Variants in LAMA2 observed in about 807,000 individuals in gnomAD.
LAMA2 encodes the protein laminin subunit alpha 2.
LAMA2 carries 269 observed loss-of-function variants against 364.8 expected under a neutral mutation model. The observed-to-expected ratio is 0.74, with a 90% confidence interval of 0.67 to 0.82. The LOEUF is 0.82. Among genes scored for constraint, LAMA2 ranks in the 40% least tolerant of loss-of-function variants. The pLI is 0.00. For missense variants in LAMA2, 3,807 were observed against 3,873.2 expected (o/e 0.98, Z 0.45); for synonymous variants, 1,379 against 1,370.6 (o/e 1.01, Z -0.14).
chr6:129,303,359 T>G (rs1335965408), intron 22 of LAMA2, among the ~76,000 whole-genome samples: 1 of 152,186 alleles, frequency 6.6e-6, no homozygotes, highest in Non-Finnish European at 1.5e-5. Flanking sequence ...GATTTTCTTG[T>G]AGATAATCAT....
intron 3 of LAMA2, among the ~76,000 whole-genome samples, chr6:129,094,936 G>A (rs1003043395): frequency 6.6e-6 from 1 of 152,160 alleles, no homozygotes; most frequent in African/African-American, 2.4e-5. Context: ...TCCTGCAGAT[G>A]ACAATATATG....
intron 12 of LAMA2, among the ~76,000 whole-genome samples, chr6:129,228,453 T>C (rs1784470372): frequency 6.6e-6 from 1 of 152,192 alleles, no homozygotes; most frequent in African/African-American, 2.4e-5. Flanking sequence ...GAGCTGTTCC[T>C]ATTCCAATTA....
chr6:129,442,986 TATA>T (rs1782193348), intron 43 of LAMA2, 74 bp from the exon 44 acceptor site: 2 of 1,095,478 alleles, frequency 1.8e-6, no homozygotes, highest in Admixed American at 3.8e-5. Flanking sequence ...GTCACTACTT[TATA>T]ATATTTATAG....
intron 47 of LAMA2, among the ~76,000 whole-genome samples, chr6:129,454,891 A>G (rs1016961607): frequency 4.6e-5 from 7 of 152,022 alleles, no homozygotes; most frequent in African/African-American, 1.2e-4. Context: ...TGTTTTCCCA[A>G]TTCTCAACTC....
At chr6:129,330,189 G>T (rs991807692) in intron 29 of LAMA2, among the ~76,000 whole-genome samples, 1 of 151,766 alleles carries the variant, frequency 6.6e-6, no homozygotes, top group South Asian at 2.1e-4. Flanking sequence ...ATAATAGATA[G>T]TAATAATAAT....
chr6:129,175,281 C>A (rs1780505303), intron 9 of LAMA2, among the ~76,000 whole-genome samples: 1 of 152,166 alleles, frequency 6.6e-6, no homozygotes, highest in Non-Finnish European at 1.5e-5. Context: ...GCTCCTTTGG[C>A]AAATCACTTA....
chr6:129,082,263 C>T (rs968256443), intron 3 of LAMA2, among the ~76,000 whole-genome samples: 48 of 152,190 alleles, frequency 3.2e-4, no homozygotes, highest in African/African-American at 1.1e-3. Context: ...GCTCAATTTT[C>T]TCATCTCTGA....
chr6:129,404,667 G>C (rs932700043), intron 40 of LAMA2, among the ~76,000 whole-genome samples: 1 of 152,066 alleles, frequency 6.6e-6, no homozygotes, highest in African/African-American at 2.4e-5. Flanking sequence ...GAATCATCCT[G>C]AATAAAATGT....
intron 12 of LAMA2, among the ~76,000 whole-genome samples, chr6:129,237,913 C>G (rs1487363558): frequency 6.6e-6 from 1 of 150,692 alleles, no homozygotes; most frequent in Non-Finnish European, 1.5e-5. Context: ...AATCTCACCA[C>G]TTTGGGAGGC....
chr6:129,046,934 G>A (rs1357070282), intron 1 of LAMA2, among the ~76,000 whole-genome samples: 1 of 152,018 alleles, frequency 6.6e-6, no homozygotes, highest in African/African-American at 2.4e-5. Flanking sequence ...ATCCTTTACT[G>A]TCTGGCATAA....
intron 15 of LAMA2, among the ~76,000 whole-genome samples, chr6:129,261,109 G>A (rs186521108): frequency 2.6e-5 from 4 of 152,048 alleles, no homozygotes; most frequent in African/African-American, 9.6e-5. Context: ...CTGGATGGTA[G>A]CAGAATAGCA....
intron 12 of LAMA2, among the ~76,000 whole-genome samples, chr6:129,218,627 A>G (rs141363820): frequency 6.6e-6 from 1 of 152,300 alleles, no homozygotes; most frequent in African/African-American, 2.4e-5. Flanking sequence ...ACTATAATAA[A>G]GAAATCCTGG....
intron 62 of LAMA2, among the ~76,000 whole-genome samples, chr6:129,510,064 G>A (rs964545330): frequency 1.6e-4 from 24 of 151,990 alleles, no homozygotes; most frequent in African/African-American, 5.3e-4. Flanking sequence ...TCTGGAACAC[G>A]ACAAGGATGC....
intron 8 of LAMA2, chr6:129,157,975 G>A: frequency 6.2e-7 from 1 of 1,613,992 alleles, no homozygotes. Context: ...TTAACAGCAA[G>A]GCCCAGGTCA....
At chr6:129,041,427 G>A (rs1301529327) in intron 1 of LAMA2, among the ~76,000 whole-genome samples, 1 of 152,170 alleles carries the variant, frequency 6.6e-6, no homozygotes, top group Non-Finnish European at 1.5e-5. Flanking sequence ...GCTTATCCAG[G>A]ACTATCTTTT....
intron 58 of LAMA2, among the ~76,000 whole-genome samples, chr6:129,499,177 T>A (rs964490200): frequency 5.3e-5 from 8 of 152,162 alleles, no homozygotes; most frequent in Non-Finnish European, 1.0e-4. Flanking sequence ...ATTTTCCCCA[T>A]TATCTATTTC....
intron 28 of LAMA2, among the ~76,000 whole-genome samples, chr6:129,322,541 G>A (rs555903961): frequency 1.2e-4 from 18 of 152,202 alleles, no homozygotes; most frequent in South Asian, 2.1e-4. Context: ...GTAGACCTTC[G>A]TTATTATATA....
At chr6:128,926,068 T>G (rs958612248) in intron 1 of LAMA2, among the ~76,000 whole-genome samples, 1 of 152,180 alleles carries the variant, frequency 6.6e-6, no homozygotes, top group African/African-American at 2.4e-5. Context: ...GATCTAGGAT[T>G]TCTACATATT....
At chr6:128,895,660 G>T (rs1026739806) in intron 1 of LAMA2, among the ~76,000 whole-genome samples, 2 of 151,726 alleles carry the variant, frequency 1.3e-5, no homozygotes, top group African/African-American at 4.8e-5. Flanking sequence ...CATGAGCAAG[G>T]TTTAGTACAA....
Sources: gnomAD v4.1 joint callset for allele counts (sites outside exome capture counted in the v4.1 genomes callset) on GRCh38, gnomAD v4.1.1 for gene constraint, MANE v1.5 for transcripts, NCBI Gene and HGNC (gene_info 2026-07-23, HGNC 2026-07-21) for gene names.